PRKG1: variants seen among roughly 807,000 people sequenced by gnomAD.
PRKG1 encodes the protein protein kinase cGMP-dependent 1.
A neutral mutation model predicts 88.1 loss-of-function variants in PRKG1; 35 were observed. The ratio of observed to expected loss-of-function variants is 0.40; its 90% confidence interval spans 0.30 to 0.53. The LOEUF is 0.53. Ranked by LOEUF, PRKG1 falls within the 20% of genes least tolerant of loss-of-function variation. PRKG1 has a pLI of 0.59. For missense variants in PRKG1, 540 were observed against 839.8 expected (o/e 0.64, Z 4.41); for synonymous variants, 303 against 292.5 (o/e 1.04, Z -0.37).
chr10:51,314,279 C>A (rs7923630), intron 2 of PRKG1, among the ~76,000 whole-genome samples: 1 of 152,168 alleles, frequency 6.6e-6, no homozygotes, highest in East Asian at 1.9e-4. Context: ...TGCTGAGAAT[C>A]GCAGAGTCCC....
At chr10:51,415,395 C>T (rs1838209126) in intron 2 of PRKG1, among the ~76,000 whole-genome samples, 1 of 152,082 alleles carries the variant, frequency 6.6e-6, no homozygotes, top group Non-Finnish European at 1.5e-5. Context: ...ATTCTGTTGC[C>T]TTATTTGGTA....
intron 1 of PRKG1, among the ~76,000 whole-genome samples, chr10:51,093,941 A>C (rs1164312687): frequency 6.6e-6 from 1 of 151,296 alleles, no homozygotes; most frequent in Non-Finnish European, 1.5e-5. Context: ...GCACTTAATT[A>C]CCTGAAAGTA....
chr10:51,270,908 C>T (rs1400615029), intron 2 of PRKG1, among the ~76,000 whole-genome samples: 3 of 152,182 alleles, frequency 2.0e-5, no homozygotes, highest in Non-Finnish European at 4.4e-5. Context: ...TTCTATCAAA[C>T]ATTATATAAC....
intron 3 of PRKG1, among the ~76,000 whole-genome samples, chr10:51,498,430 G>A (rs905874940): frequency 2.6e-5 from 4 of 152,082 alleles, no homozygotes; most frequent in Admixed American, 2.6e-4. Flanking sequence ...TTTAAAAGCA[G>A]GCACTATCTG....
intron 2 of PRKG1, among the ~76,000 whole-genome samples, chr10:51,276,890 A>G (rs941261940): frequency 1.3e-5 from 2 of 151,954 alleles, no homozygotes; most frequent in Non-Finnish European, 2.9e-5. Context: ...GATCACAAAA[A>G]TTTTCTCCCA....
chr10:51,553,286 A>C (rs571681214), intron 3 of PRKG1, among the ~76,000 whole-genome samples: 10 of 151,832 alleles, frequency 6.6e-5, no homozygotes, highest in Admixed American at 1.3e-4. Flanking sequence ...CCTTATATTA[A>C]TTCTTTTGCC....
chr10:52,194,196 T>C (rs1839447566), intron 9 of PRKG1, among the ~76,000 whole-genome samples: 1 of 152,152 alleles, frequency 6.6e-6, no homozygotes, highest in African/African-American at 2.4e-5. Flanking sequence ...ATTGCTAAGT[T>C]CTATTAGCTG....
At chr10:51,188,109 G>A (rs1371385720) in intron 2 of PRKG1, among the ~76,000 whole-genome samples, 1 of 151,964 alleles carries the variant, frequency 6.6e-6, no homozygotes, top group African/African-American at 2.4e-5. Flanking sequence ...AACACTTAAT[G>A]CCATTTTGTG....
intron 3 of PRKG1, among the ~76,000 whole-genome samples, chr10:51,554,400 TA>T (rs1381874481): frequency 1.4e-5 from 2 of 137,950 alleles, no homozygotes; most frequent in African/African-American, 5.5e-5. Flanking sequence ...TATGTATATA[TA>T]AAAATATATG....
chr10:52,120,510 A>G (rs764208539), intron 7 of PRKG1, among the ~76,000 whole-genome samples: 29 of 152,220 alleles, frequency 1.9e-4, no homozygotes, highest in African/African-American at 5.1e-4. Flanking sequence ...CAGGTTATCT[A>G]TCTCCAAAAT....
intron 2 of PRKG1, among the ~76,000 whole-genome samples, chr10:51,188,402 T>G (rs1225418396): frequency 6.6e-6 from 1 of 151,962 alleles, no homozygotes; most frequent in African/African-American, 2.4e-5. Flanking sequence ...TAATAAAAAC[T>G]AAACAAAGTA....
At chr10:51,014,316 C>T (rs1460885448) in intron 1 of PRKG1, among the ~76,000 whole-genome samples, 1 of 121,052 alleles carries the variant, frequency 8.3e-6, no homozygotes, top group Non-Finnish European at 1.7e-5. Flanking sequence ...TGCAGGCATT[C>T]TCTTTTTTTT....
At chr10:51,123,274 T>C (rs1845308269) in intron 1 of PRKG1, among the ~76,000 whole-genome samples, 1 of 152,194 alleles carries the variant, frequency 6.6e-6, no homozygotes, top group Non-Finnish European at 1.5e-5. Context: ...TCTTTAAAAA[T>C]AAATTTTATT....
intron 3 of PRKG1, among the ~76,000 whole-genome samples, chr10:51,760,109 A>G (rs1178994405): frequency 3.3e-5 from 5 of 152,098 alleles, no homozygotes; most frequent in African/African-American, 1.2e-4. Flanking sequence ...TGACTAATCT[A>G]CCACTATTTT....
intron 1 of PRKG1, among the ~76,000 whole-genome samples, chr10:51,048,902 T>A (rs1334473421): frequency 6.6e-6 from 1 of 152,112 alleles, no homozygotes; most frequent in Non-Finnish European, 1.5e-5. Flanking sequence ...ATGCACCGCA[T>A]GTCAGTCAAT....
intron 5 of PRKG1, among the ~76,000 whole-genome samples, chr10:51,938,791 A>T (rs1194145679): frequency 6.6e-6 from 1 of 151,988 alleles, no homozygotes; most frequent in Non-Finnish European, 1.5e-5. Context: ...TATGACTCTG[A>T]GCAAACTGTT....
chr10:51,222,303 A>G (rs961242373), intron 2 of PRKG1, among the ~76,000 whole-genome samples: 1 of 152,128 alleles, frequency 6.6e-6, no homozygotes, highest in Non-Finnish European at 1.5e-5. Context: ...GGTTTTGTTG[A>G]GGAAAGCAGT....
intron 8 of PRKG1, among the ~76,000 whole-genome samples, chr10:52,142,826 T>C (rs764268702): frequency 2.0e-5 from 3 of 152,296 alleles, no homozygotes; most frequent in Non-Finnish European, 4.4e-5. Flanking sequence ...TGCCATACCA[T>C]ACATTTACAA....
At chr10:51,049,755 A>G (rs564270805) in intron 1 of PRKG1, among the ~76,000 whole-genome samples, 1 of 152,334 alleles carries the variant, frequency 6.6e-6, no homozygotes, top group African/African-American at 2.4e-5. Context: ...TGCCCAACAT[A>G]TAATTACTGA....
Sources: allele counts gnomAD v4.1 joint callset (sites outside exome capture counted in the v4.1 genomes callset), GRCh38; gene constraint gnomAD v4.1.1; transcripts MANE v1.5; gene names NCBI Gene and HGNC (gene_info 2026-07-23, HGNC 2026-07-21).